The following NBAS variants were observed in gnomAD, a reference collection of about 807,000 sequenced individuals.
The protein encoded by NBAS is NAG/BC035112 fusion.
In NBAS, 219 loss-of-function variants were observed where a neutral mutation model predicts 302.5. That is an observed-to-expected ratio of 0.72 (90% confidence interval 0.65 to 0.81). The LOEUF is 0.81. NBAS is among the 30% of genes least tolerant of loss of function. The probability of loss-of-function intolerance (pLI) is 0.00; values close to 1 mark genes in which losing one functional copy is unlikely to be tolerated. For missense variants in NBAS, 2,932 were observed against 2,841.6 expected (o/e 1.03, Z -0.72); for synonymous variants, 1,118 against 1,021.6 (o/e 1.09, Z -1.80).
At chr2:15,142,875 C>T in the NBAS span, among the ~76,000 whole-genome samples, 3 of 152,174 alleles carry the variant, frequency 2.0e-5, no homozygotes, top group Non-Finnish European at 4.4e-5. Flanking sequence ...GATGTTGAAA[C>T]GTTAAAAGAA....
the NBAS span, among the ~76,000 whole-genome samples, chr2:15,151,582 C>T: frequency 8.3e-4 from 126 of 152,234 alleles, no homozygotes; most frequent in African/African-American, 2.9e-3. Context: ...GGAATGTGTA[C>T]GATAGTTAAC....
intron 35 of NBAS, among the ~76,000 whole-genome samples, chr2:15,343,587 A>G (rs371223013): frequency 9.2e-5 from 14 of 152,256 alleles, no homozygotes; most frequent in African/African-American, 3.4e-4. Flanking sequence ...TAAAGAAAAC[A>G]AAACAAACAT....
chr2:15,321,093 C>G (rs1671784855), intron 38 of NBAS, among the ~76,000 whole-genome samples: 1 of 152,158 alleles, frequency 6.6e-6, no homozygotes, highest in South Asian at 2.1e-4. Flanking sequence ...TAACACCACA[C>G]ATCTACAACC....
chr2:15,177,121 T>A (rs542387410), intron 51 of NBAS, among the ~76,000 whole-genome samples: 70 of 152,316 alleles, frequency 4.6e-4, no homozygotes, highest in African/African-American at 1.6e-3. Context: ...AATTTATACC[T>A]GTGGCTTTGA....
chr2:15,027,515 AAT>A, the NBAS span, among the ~76,000 whole-genome samples: 1 of 152,114 alleles, frequency 6.6e-6, no homozygotes, highest in Non-Finnish European at 1.5e-5. Context: ...TTCTCTTAAT[AAT>A]TATAGTAGCT....
chr2:15,517,321 A>G (rs1003224276), intron 9 of NBAS, among the ~76,000 whole-genome samples: 1 of 152,190 alleles, frequency 6.6e-6, no homozygotes, highest in Non-Finnish European at 1.5e-5. Context: ...AAAATTAGAA[A>G]TATTTCAAAT....
the NBAS span, among the ~76,000 whole-genome samples, chr2:14,924,007 C>A: frequency 6.6e-6 from 1 of 152,168 alleles, no homozygotes; most frequent in Non-Finnish European, 1.5e-5. Flanking sequence ...CTGGCTGGAC[C>A]TTTTCCTCGC....
chr2:15,371,934 AT>A, intron 31 of NBAS, among the ~76,000 whole-genome samples: 1 of 152,328 alleles, frequency 6.6e-6, no homozygotes, highest in Non-Finnish European at 1.5e-5. Context: ...AAGTATAAAA[AT>A]AATCATTGAT....
intron 51 of NBAS, 44 bp downstream of exon 51, chr2:15,178,944 A>G (rs1256639694): frequency 6.4e-7 from 1 of 1,554,456 alleles, no homozygotes; most frequent in Admixed American, 1.9e-5. Context: ...CCTTTGAAAC[A>G]TTAAAAAAAA....
chr2:15,285,363 CCT>C (rs1181778313), intron 42 of NBAS, among the ~76,000 whole-genome samples: 1 of 152,128 alleles, frequency 6.6e-6, no homozygotes, highest in East Asian at 1.9e-4. Flanking sequence ...TCCTGTTTCC[CCT>C]CTTACCTACC....
chr2:15,341,500 G>C (rs188956682), intron 35 of NBAS, among the ~76,000 whole-genome samples: 216 of 151,906 alleles, frequency 1.4e-3, no homozygotes, highest in Non-Finnish European at 2.7e-3. Context: ...CTTATTTTTT[G>C]GAAAATGTCT....
chr2:15,380,796 G>T (rs1674997590), intron 29 of NBAS, among the ~76,000 whole-genome samples: 1 of 152,084 alleles, frequency 6.6e-6, no homozygotes, highest in Admixed American at 6.6e-5. Context: ...AGAAATAAGA[G>T]ATTTTTAAAA....
the NBAS span, among the ~76,000 whole-genome samples, chr2:14,924,794 T>C: frequency 6.6e-6 from 1 of 152,120 alleles, no homozygotes; most frequent in Non-Finnish European, 1.5e-5. Context: ...AGGGATTTCT[T>C]TCCTTAAAAT....
the NBAS span, among the ~76,000 whole-genome samples, chr2:15,012,862 A>ATT: frequency 6.8e-5 from 10 of 147,562 alleles, no homozygotes; most frequent in East Asian, 1.4e-3. Context: ...AAACTATGGA[A>ATT]TTTTTTTTTT....
the NBAS span, among the ~76,000 whole-genome samples, chr2:14,827,178 C>G: frequency 5.9e-5 from 9 of 152,102 alleles, no homozygotes; most frequent in Non-Finnish European, 1.2e-4. Flanking sequence ...TTTGAACCAC[C>G]ACAGAGCAAG....
chr2:15,324,647 T>C (rs1284766734), intron 38 of NBAS, among the ~76,000 whole-genome samples: 2 of 152,180 alleles, frequency 1.3e-5, no homozygotes, highest in African/African-American at 2.4e-5. Flanking sequence ...AACTCTTTTA[T>C]AAGCCCGTTG....
the NBAS span, among the ~76,000 whole-genome samples, chr2:14,959,201 G>T: frequency 1.3e-5 from 2 of 152,216 alleles, no homozygotes; most frequent in Admixed American, 6.5e-5. Context: ...AAAGAGAGAT[G>T]CAATTCCTAT....
chr2:15,193,321 C>A (rs146757551), intron 48 of NBAS, among the ~76,000 whole-genome samples: 1 of 152,100 alleles, frequency 6.6e-6, no homozygotes, highest in African/African-American at 2.4e-5. Flanking sequence ...CATATCAAAG[C>A]GTTTCAAGTC....
intron 1 of NBAS, among the ~76,000 whole-genome samples, chr2:15,560,673 G>A (rs1415620163): frequency 6.6e-6 from 1 of 151,966 alleles, no homozygotes; most frequent in African/African-American, 2.4e-5. Context: ...CCCAGTATGG[G>A]TAAAGGCTCA....
Sources: gnomAD v4.1 joint callset for allele counts (sites outside exome capture counted in the v4.1 genomes callset) on GRCh38, gnomAD v4.1.1 for gene constraint, MANE v1.5 for transcripts, NCBI Gene and HGNC (gene_info 2026-07-23, HGNC 2026-07-21) for gene names.